Variants in MTRF1 observed in about 807,000 individuals in gnomAD.
MTRF1 encodes mitochondrial translation release factor 1, also known as peptide chain release factor 1, mitochondrial.
Under a neutral mutation model 62.9 loss-of-function variants are expected in MTRF1, and 51 were observed. That is an observed-to-expected ratio of 0.81 (90% CI 0.65 to 1.02). The LOEUF (loss-of-function observed/expected upper bound fraction) is 1.02. Ranked by LOEUF, MTRF1 falls within the 50% of genes least tolerant of loss-of-function variation. The probability of loss-of-function intolerance (pLI) is 0.00; values close to 1 mark genes in which losing one functional copy is unlikely to be tolerated. For synonymous variants in MTRF1, 158 were observed against 181.9 expected (o/e 0.87, Z 1.06); for missense variants, 446 against 530.0 (o/e 0.84, Z 1.56).
At chr13:41,310,153 T>A in the MTRF1 span, among the ~76,000 whole-genome samples, 3 of 152,238 alleles carry the variant, frequency 2.0e-5, no homozygotes, top group African/African-American at 7.2e-5. Flanking sequence ...CACACCTTAC[T>A]ACTAACCCTA....
At chr13:41,300,461 C>A in the MTRF1 span, among the ~76,000 whole-genome samples, 1 of 152,010 alleles carries the variant, frequency 6.6e-6, no homozygotes, top group Non-Finnish European at 1.5e-5. Context: ...TGGTGGGCGC[C>A]TGTAGTCCCA....
intron 7 of MTRF1, among the ~76,000 whole-genome samples, chr13:41,228,895 TA>T (rs1566077491): frequency 1.3e-5 from 2 of 152,228 alleles, no homozygotes; most frequent in African/African-American, 4.8e-5. Context: ...GTTCCTAGTC[TA>T]AGGTCTTAGT....
chr13:41,249,366 C>A (rs879780182), intron 5 of MTRF1, among the ~76,000 whole-genome samples: 2 of 151,956 alleles, frequency 1.3e-5, no homozygotes, highest in Non-Finnish European at 2.9e-5. Context: ...ACAGTGAAAC[C>A]CCGTCTCTAC....
chr13:41,221,486 TG>T (rs1370270706), intron 9 of MTRF1, among the ~76,000 whole-genome samples: 1 of 152,178 alleles, frequency 6.6e-6, no homozygotes, highest in Non-Finnish European at 1.5e-5. Context: ...GTCTCTTTAC[TG>T]TCCTTCACAC....
At chr13:41,256,017 A>T (rs2039664578) in intron 2 of MTRF1, among the ~76,000 whole-genome samples, 1 of 152,236 alleles carries the variant, frequency 6.6e-6, no homozygotes, top group African/African-American at 2.4e-5. Flanking sequence ...CTTTTAAATT[A>T]TTCTCTAGTC....
intron 8 of MTRF1, among the ~76,000 whole-genome samples, chr13:41,225,209 C>CAAAA (rs11461910): frequency 5.2e-5 from 6 of 116,034 alleles, no homozygotes; most frequent in Middle Eastern, 4.6e-3. Flanking sequence ...GAATCTGTCT[C>CAAAA]AAAAAAAAAA....
At chr13:41,308,096 G>C in the MTRF1 span, among the ~76,000 whole-genome samples, 216 of 152,174 alleles carry the variant, frequency 1.4e-3, 5 homozygotes, top group East Asian at 0.039. Flanking sequence ...ACCTTCCTGG[G>C]CTGCTGATTT....
the MTRF1 span, among the ~76,000 whole-genome samples, chr13:41,275,914 A>G: frequency 6.6e-6 from 1 of 152,194 alleles, no homozygotes; most frequent in East Asian, 1.9e-4. Context: ...CCTAAATGGG[A>G]AAAGGGTTAA....
intron 5 of MTRF1, among the ~76,000 whole-genome samples, chr13:41,243,896 T>C (rs932871901): frequency 1.3e-5 from 2 of 152,216 alleles, no homozygotes; most frequent in African/African-American, 4.8e-5. Context: ...ATTAAAACTT[T>C]TTTGCATATG....
chr13:41,217,193 T>C lies in MTRF1; in HGVS notation c.1260A>G (p.Leu420=). 2 of 1,609,620 alleles carry C rather than the reference T, an allele frequency of 1.2e-6. No homozygotes were observed. The part of the protein sequence containing the change: ...FLCGGKGLDQ[L]IQRLLQSADE... ...CTGCTGATTGAAGCAGTCTCTGAATTAGCTGATCCAGGCCCTTCCCACCAC... is the reference window on the plus strand; with the variant it reads ...CTGCTGATTGAAGCAGTCTCTGAATCAGCTGATCCAGGCCCTTCCCACCAC... The change falls in exon 10 of 10, where the codon CTA becomes CTG. Residue 420 remains leucine (L), a synonymous_variant. Transcript: ENST00000379480.
chr13:41,261,056 G>A, intron 1 of MTRF1, 141 bp from the exon 2 acceptor site: 1 of 797,404 alleles, frequency 1.3e-6, no homozygotes, highest in Non-Finnish European at 1.9e-6. Flanking sequence ...ACTGCCGGCT[G>A]GCAGCAGTGG....
At chr13:41,231,566 A>G (rs2035558893) in intron 7 of MTRF1, among the ~76,000 whole-genome samples, 2 of 152,208 alleles carry the variant, frequency 1.3e-5, no homozygotes, top group African/African-American at 4.8e-5. Flanking sequence ...AAACAAACTC[A>G]CAAGAGAAAA....
At chr13:41,255,926 G>A (rs967212493) in intron 2 of MTRF1, among the ~76,000 whole-genome samples, 3 of 152,034 alleles carry the variant, frequency 2.0e-5, no homozygotes, top group African/African-American at 2.4e-5. Context: ...GGCCATTGCT[G>A]CAAATTGAGG....
intron 5 of MTRF1, among the ~76,000 whole-genome samples, chr13:41,248,191 G>A (rs527690541): frequency 1.3e-5 from 2 of 152,140 alleles, no homozygotes; most frequent in Non-Finnish European, 2.9e-5. Context: ...GTGCGATGTT[G>A]ACTCACTGCA....
intron 5 of MTRF1, among the ~76,000 whole-genome samples, chr13:41,242,128 T>G (rs547194370): frequency 6.6e-6 from 1 of 151,022 alleles, no homozygotes; most frequent in South Asian, 2.1e-4. Context: ...GATACCAACG[T>G]TTTTTTTTTG....
At chr13:41,220,149 G>A (rs533210557) in intron 9 of MTRF1, among the ~76,000 whole-genome samples, 2 of 151,604 alleles carry the variant, frequency 1.3e-5, no homozygotes, top group East Asian at 1.9e-4. Context: ...CCAACATGGT[G>A]AAACTCCTTC....
chr13:41,226,441 T>G lies in MTRF1; in HGVS notation c.1116A>C (p.Arg372Ser). Reference sequence around the variant, plus strand: ...ACCAAGTAAATCTTACCTGCAGTTTTCTAGCACTTTGTTGCTGACGCTTGT... The same window carrying G: ...ACCAAGTAAATCTTACCTGCAGTTTGCTAGCACTTTGTTGCTGACGCTTGT... Reference protein sequence around the residue: ...EKDKRQQQSARKLQVGTRAQS... With the variant: ...EKDKRQQQSASKLQVGTRAQS... Residue 372 changes from arginine to serine, a missense_variant, in exon 8 of 10, where the codon AGA becomes AGC. By Grantham distance (110) the Arg-to-Ser change is moderately radical (BLOSUM62 -1). Coordinates refer to ENST00000379480, the MANE Select transcript of MTRF1 (RefSeq NM_004294.4). The G allele has an allele frequency of 6.2e-7, 1 of 1,609,588 alleles. No homozygotes were observed. The highest frequency in any genetic ancestry group is 1.1e-5 in the South Asian group (1 of 89,520).
chr13:41,252,400 C>T (rs2039187343), intron 5 of MTRF1: 5 of 304,620 alleles, frequency 1.6e-5, no homozygotes, highest in African/African-American at 2.2e-5. Context: ...CTAAGTTCCT[C>T]AGGGGAATTT....
Position 41,252,971 on chromosome 13 carries a change from C to T in MTRF1, c.567G>A (p.Val189=). 2 of 1,606,614 alleles carry T rather than the reference C, an allele frequency of 1.2e-6. No homozygotes were observed. Among genetic ancestry groups the T allele is most frequent in the Non-Finnish European group, 1.7e-6 (2 of 1,177,078 alleles). ...GACCTCCAGTAGTCCTTCCAGCTGTCACCTCTAAAATAACATCATTTTTGT... is the reference window on the plus strand; with the variant it reads ...GACCTCCAGTAGTCCTTCCAGCTGTTACCTCTAAAATAACATCATTTTTGT... ...KYDKNDVILE[V]TAGRTTGGDI... is the part of the protein sequence containing the mutation. The change falls in exon 4 of 10, where the codon GTG becomes GTA. Residue 189 remains valine (V), a synonymous_variant. Transcript: ENST00000379480.
Sources: gnomAD v4.1 joint callset for allele counts (sites outside exome capture counted in the v4.1 genomes callset) on GRCh38, gnomAD v4.1.1 for gene constraint, MANE v1.5 for transcripts, NCBI Gene and HGNC (gene_info 2026-07-23, HGNC 2026-07-21) for gene names.